The following MYT1L variants were observed in gnomAD, a reference collection of about 807,000 sequenced individuals.
The protein encoded by MYT1L is myelin transcription factor 1-like protein.
Under a neutral mutation model 126.7 loss-of-function variants are expected in MYT1L, and 12 were observed. That is an observed-to-expected ratio of 0.09 (90% CI 0.06 to 0.15). MYT1L has a LOEUF of 0.15. Ranked by LOEUF, MYT1L falls within the 10% of genes least tolerant of loss-of-function variation. MYT1L has a pLI of 1.00. For synonymous variants in MYT1L, 541 were observed against 604.2 expected (o/e 0.90, Z 1.53); for missense variants, 979 against 1,585.2 (o/e 0.62, Z 6.49).
chr2:1,861,997 A>ATCCTCCTACAGCCTGTGT (rs1558192114), intron 18 of MYT1L, among the ~76,000 whole-genome samples: 1 of 151,372 alleles, frequency 6.6e-6, no homozygotes, highest in Non-Finnish European at 1.5e-5. Context: ...GTAATCCTGG[A>ATCCTCCTACAGCCTGTGT]ATTCGCTGAG....
intron 22 of MYT1L, among the ~76,000 whole-genome samples, chr2:1,804,854 T>C (rs1012956255): frequency 6.6e-6 from 1 of 152,222 alleles, no homozygotes; most frequent in African/African-American, 2.4e-5. Context: ...CAGGGCTTGA[T>C]GGAGGTTAGA....
intron 1 of MYT1L, among the ~76,000 whole-genome samples, chr2:2,316,008 A>T (rs1383290077): frequency 1.3e-5 from 2 of 152,182 alleles, no homozygotes; most frequent in Non-Finnish European, 2.9e-5. Flanking sequence ...CACTTTTGAA[A>T]TAGTGGGTTG....
chr2:2,049,959 GTA>G (rs112138976), intron 4 of MYT1L, among the ~76,000 whole-genome samples: 2,398 of 149,468 alleles, frequency 0.016, 56 homozygotes, highest in African/African-American at 0.05. Context: ...GTGTGTGTGT[GTA>G]TATATATATA....
At chr2:2,042,755 A>G (rs1170383351) in intron 4 of MYT1L, among the ~76,000 whole-genome samples, 1 of 152,168 alleles carries the variant, frequency 6.6e-6, no homozygotes, top group Non-Finnish European at 1.5e-5. Flanking sequence ...TTCCCAAAGC[A>G]AGGCATCTGC....
At position 2,284,400 on chromosome 2, in the gene MYT1L, A is replaced by G. The variant is rs943486260; in HGVS notation, c.-421+4T>C. 3 of 152,300 alleles carry G rather than the reference A, an allele frequency of 2.0e-5. No individual in the cohort carries two copies. In the East Asian group the frequency reaches 5.8e-4, roughly 30 times the overall value. 9.4% of individuals were successfully genotyped at this position (152,300 alleles called of 1,614,324 possible). A position where few individuals can be genotyped will look rare whatever the true frequency, so the allele number is the denominator to read the frequency against. ...ACGGTAAGGTCCCATTGCAATTCAC[A>G]TACCACACGCTGTGATCCCTCAAAT... On this transcript the variant is annotated splice_donor_region_variant and intron_variant, in intron 2 of 24. Transcript: ENST00000647738.
At position 1,939,205 on chromosome 2, in the gene MYT1L, G is replaced by A. The variant is rs143966316; in HGVS notation, c.505+3777C>T. 2.3e-3 allele frequency among the ~76,000 whole-genome samples: 344 copies of A among 152,308 alleles called. 12 individuals are homozygous for A. Among genetic ancestry groups the A allele is most frequent in the East Asian group, 7.7e-4 (4 of 5,178 alleles). ...ACACTCCGCTCTGTGCTCTGGCCAC[G>A]TGGCTTCCTTTTAATCTCAGGTCTC... On this transcript the variant is annotated intron_variant, in intron 9 of 24. Transcript: ENST00000647738.
At chr2:2,280,696 C>T (rs530930044) in intron 2 of MYT1L, among the ~76,000 whole-genome samples, 19 of 152,266 alleles carry the variant, frequency 1.2e-4, no homozygotes, top group East Asian at 5.8e-4. Context: ...TGGCCACGCG[C>T]GTGCAGCATT....
chr2:1,966,239 C>A (rs1574057979), intron 8 of MYT1L, among the ~76,000 whole-genome samples: 1 of 152,386 alleles, frequency 6.6e-6, no homozygotes, highest in East Asian at 1.9e-4. Flanking sequence ...AGATCATTCA[C>A]AGGAAGAAAC....
At chr2:1,999,008 C>T (rs749499048) in intron 4 of MYT1L, among the ~76,000 whole-genome samples, 2 of 152,194 alleles carry the variant, frequency 1.3e-5, no homozygotes, top group African/African-American at 2.4e-5. Flanking sequence ...ATCTTCAACG[C>T]GTAAACAATG....
intron 2 of MYT1L, among the ~76,000 whole-genome samples, chr2:2,191,627 C>T (rs1038880005): frequency 3.3e-5 from 5 of 152,118 alleles, no homozygotes; most frequent in South Asian, 2.1e-4. Context: ...TGGGTCAGGA[C>T]GTCTGCAGGT....
chr2:1,822,431 G>A (rs1318464459), intron 21 of MYT1L, among the ~76,000 whole-genome samples: 1 of 152,200 alleles, frequency 6.6e-6, no homozygotes, highest in African/African-American at 2.4e-5. Context: ...ATCTTTGTGT[G>A]GGTTGGGTCT....
chr2:2,007,908 G>A (rs1201418917), intron 4 of MYT1L, among the ~76,000 whole-genome samples: 1 of 152,134 alleles, frequency 6.6e-6, no homozygotes, highest in Non-Finnish European at 1.5e-5. Context: ...AAGCTAATGA[G>A]AGACCACCTG....
chr2:2,192,809 C>T (rs1029643717), intron 2 of MYT1L, among the ~76,000 whole-genome samples: 9 of 152,086 alleles, frequency 5.9e-5, no homozygotes, highest in Non-Finnish European at 1.0e-4. Flanking sequence ...AATGGCCCCT[C>T]CTTTAGGGGA....
chr2:2,202,122 G>C (rs901030312), intron 2 of MYT1L, among the ~76,000 whole-genome samples: 5 of 152,040 alleles, frequency 3.3e-5, no homozygotes, highest in Non-Finnish European at 7.4e-5. Context: ...ATTCAAAGCA[G>C]TGTGTAGAGG....
chr2:1,816,345 T>G (rs1038782670), intron 21 of MYT1L: 1 of 152,644 alleles, frequency 6.6e-6, no homozygotes, highest in Non-Finnish European at 1.5e-5. Context: ...GCCCCGCGGA[T>G]AGCAGTTGTG....
chr2:2,195,288 T>A (rs1407580658), intron 2 of MYT1L, among the ~76,000 whole-genome samples: 1 of 152,188 alleles, frequency 6.6e-6, no homozygotes, highest in Non-Finnish European at 1.5e-5. Context: ...AGAGGGAAGC[T>A]CCTTGGTAAA....
At chr2:2,197,397 G>A (rs181191580) in intron 2 of MYT1L, among the ~76,000 whole-genome samples, 1 of 152,192 alleles carries the variant, frequency 6.6e-6, no homozygotes, top group African/African-American at 2.4e-5. Flanking sequence ...TTACCCAAGG[G>A]ACAGAATAAA....
At chr2:2,000,387 T>C (rs888208203) in intron 4 of MYT1L, among the ~76,000 whole-genome samples, 3 of 152,216 alleles carry the variant, frequency 2.0e-5, no homozygotes, top group African/African-American at 7.2e-5. Flanking sequence ...GGGAAATCTA[T>C]TTTAGGCAAG....
intron 2 of MYT1L, among the ~76,000 whole-genome samples, chr2:2,191,523 A>G (rs1030408521): frequency 6.6e-6 from 1 of 152,178 alleles, no homozygotes; most frequent in African/African-American, 2.4e-5. Context: ...TCAGCATCCT[A>G]CAGGAAGCAG....
Sources: allele counts gnomAD v4.1 joint callset (sites outside exome capture counted in the v4.1 genomes callset), GRCh38; gene constraint gnomAD v4.1.1; transcripts MANE v1.5; gene names NCBI Gene and HGNC (gene_info 2026-07-23, HGNC 2026-07-21).